LIN7A: variants seen among roughly 807,000 people sequenced by gnomAD.
The protein encoded by LIN7A is protein lin-7 homolog A.
Under a neutral mutation model 29.8 loss-of-function variants are expected in LIN7A, and 25 were observed. The ratio of observed to expected loss-of-function variants is 0.84; its 90% CI spans 0.61 to 1.17. The LOEUF (loss-of-function observed/expected upper bound fraction) is 1.17, where lower values mean the gene tolerates loss of function less well. Among genes scored for constraint, LIN7A ranks in the 50% most tolerant of loss-of-function variants. LIN7A has a pLI of 0.00. For missense variants in LIN7A, 239 were observed against 287.0 expected (o/e 0.83, Z 1.21); for synonymous variants, 118 against 107.5 (o/e 1.10, Z -0.60).
intron 2 of LIN7A, among the ~76,000 whole-genome samples, chr12:80,869,759 T>C (rs1183921638): frequency 6.6e-6 from 1 of 152,134 alleles, no homozygotes; most frequent in Non-Finnish European, 1.5e-5. Context: ...TTTTTTTTTT[T>C]TTCTTTTTTT....
chr12:80,829,897 G>A (rs1272446176), intron 4 of LIN7A, among the ~76,000 whole-genome samples: 1 of 152,074 alleles, frequency 6.6e-6, no homozygotes, highest in African/African-American at 2.4e-5. Context: ...TTTAATTCTG[G>A]CCACTTCTAA....
intron 2 of LIN7A, among the ~76,000 whole-genome samples, chr12:80,885,746 C>T (rs1206047530): frequency 6.6e-6 from 1 of 151,884 alleles, no homozygotes; most frequent in Non-Finnish European, 1.5e-5. Context: ...GTTAAGGGAG[C>T]TTCAAATCTC....
In LIN7A at chr12:80,915,174, A is replaced by G. The variant is rs528268373; in HGVS notation, c.82+22467T>C. Among the ~76,000 whole-genome samples the G allele has an allele frequency of 1.3e-4, 20 of 151,434 alleles. 1 individual carries two copies. The South Asian group carries it at 3.5e-3, about 27-fold the overall frequency. On this transcript the variant is annotated intron_variant, in intron 1 of 5. Coordinates refer to ENST00000552864, the MANE Select transcript of LIN7A (RefSeq NM_004664.4). ...AAGCAAAAAAAAAAAAAACAAAAAA[A>G]CAAAAAAAATTAACCCCATTAAAAA...
intron 1 of LIN7A, among the ~76,000 whole-genome samples, chr12:80,933,295 T>C (rs756409882): frequency 1.3e-5 from 2 of 152,202 alleles, no homozygotes; most frequent in Non-Finnish European, 2.9e-5. Context: ...CGTTATTATT[T>C]CTTGGTAATT....
Position 80,845,824 on chromosome 12 carries a change from G to A in LIN7A, c.389C>T (p.Ser130Phe), listed in dbSNP as rs1873049661. 6.2e-7 allele frequency: 1 copy of A among 1,613,694 alleles called. No individual in the cohort carries two copies. The change falls in exon 4 of 6, where the codon TCC (serine) becomes TTC (phenylalanine). Residue 130 changes from serine (S) to phenylalanine (F), a missense_variant. Ser to Phe is a radical substitution (Grantham distance 155, BLOSUM62 -2). Transcript: ENST00000552864. ...FNVMGGKEQN[S>F]PIYISRIIPG... ...AATTATGCGAGAGATATAAATGGGG[G>A]AATTTTGCTCCTTTCCTCCCATCAC...
At chr12:80,909,547 G>T (rs935273692) in intron 1 of LIN7A, among the ~76,000 whole-genome samples, 9 of 152,168 alleles carry the variant, frequency 5.9e-5, no homozygotes, top group Non-Finnish European at 1.0e-4. Flanking sequence ...TCTGGCGAGG[G>T]TCCACTTTCT....
chr12:80,857,545 A>G (rs1482490351), intron 2 of LIN7A, among the ~76,000 whole-genome samples: 2 of 152,202 alleles, frequency 1.3e-5, no homozygotes, highest in South Asian at 4.1e-4. Context: ...CATGACTCAG[A>G]CATTTTGCTT....
At chr12:80,924,666 C>A (rs546900325) in intron 1 of LIN7A, among the ~76,000 whole-genome samples, 3 of 152,214 alleles carry the variant, frequency 2.0e-5, no homozygotes, top group African/African-American at 7.2e-5. Context: ...CCATGTTTGC[C>A]TTTCTCAGCA....
rs116679914 is a variant in LIN7A, at chr12:80,798,406, A to G, written c.*1-680T>C. 2.9e-3 allele frequency among the ~76,000 whole-genome samples: 448 copies of G among 152,292 alleles called. 2 individuals are homozygous for G. The highest frequency in any genetic ancestry group is 0.01 in the African/African-American group (428 of 41,560). On this transcript the variant is annotated intron_variant, in intron 5 of 5. Transcript: ENST00000552864. ...ACCATATTGAAAACAGATTTTAACA[A>G]AATTGTTCTGTTTACTTTGCGTCAA...
At chr12:80,930,478 T>C (rs1592959257) in intron 1 of LIN7A, among the ~76,000 whole-genome samples, 3 of 152,226 alleles carry the variant, frequency 2.0e-5, no homozygotes, top group African/African-American at 7.2e-5. Flanking sequence ...TTTAATTTGT[T>C]TATTAGGACA....
intron 2 of LIN7A, among the ~76,000 whole-genome samples, chr12:80,874,090 G>A (rs1023988065): frequency 1.3e-4 from 20 of 152,018 alleles, no homozygotes; most frequent in African/African-American, 3.6e-4. Flanking sequence ...TCCAAGTATC[G>A]GGCTTAATAA....
intron 4 of LIN7A, among the ~76,000 whole-genome samples, chr12:80,840,542 T>G (rs1362693654): frequency 1.3e-5 from 2 of 152,192 alleles, no homozygotes; most frequent in Non-Finnish European, 2.9e-5. Flanking sequence ...ACTGTGTTTC[T>G]GAGGAACAAA....
chr12:80,798,655 A>G (rs1264191927), intron 5 of LIN7A, among the ~76,000 whole-genome samples: 1 of 152,192 alleles, frequency 6.6e-6, no homozygotes, highest in Non-Finnish European at 1.5e-5. Context: ...TAAGTGTCAC[A>G]TATTTTGCTA....
At chr12:80,822,431 G>A (rs185904486) in intron 4 of LIN7A, among the ~76,000 whole-genome samples, 20 of 152,194 alleles carry the variant, frequency 1.3e-4, no homozygotes, top group Middle Eastern at 3.4e-3. Flanking sequence ...GATGGCAGGC[G>A]CCTGGAATTC....
intron 1 of LIN7A, among the ~76,000 whole-genome samples, chr12:80,932,832 C>T (rs951352307): frequency 6.6e-6 from 1 of 152,174 alleles, no homozygotes; most frequent in African/African-American, 2.4e-5. Flanking sequence ...TTAATATCCA[C>T]GTGTTAAGTA....
intron 2 of LIN7A, among the ~76,000 whole-genome samples, chr12:80,858,196 A>C (rs1339690017): frequency 6.6e-6 from 1 of 152,218 alleles, no homozygotes; most frequent in African/African-American, 2.4e-5. Flanking sequence ...TAAATAGAAT[A>C]TACTTTGCTC....
intron 1 of LIN7A, among the ~76,000 whole-genome samples, chr12:80,897,759 C>A (rs900065227): frequency 6.6e-6 from 1 of 151,914 alleles, no homozygotes; most frequent in Non-Finnish European, 1.5e-5. Context: ...TAGCCAAGAT[C>A]GTGCCACTGC....
intron 1 of LIN7A, among the ~76,000 whole-genome samples, chr12:80,920,587 A>G (rs1407772912): frequency 6.6e-6 from 1 of 152,264 alleles, no homozygotes; most frequent in Non-Finnish European, 1.5e-5. Context: ...ACGTTAGATC[A>G]TTAAAGTATT....
rs774417638 is a variant in LIN7A at position 80,796,725 on chromosome 12, G to T, written c.*1002C>A. On this transcript the variant is annotated 3_prime_UTR_variant, in exon 6 of 6. Coordinates refer to ENST00000552864, the MANE Select transcript of LIN7A (RefSeq NM_004664.4). The stretch of plus-strand genomic sequence containing the variant: ...ATATATGCACATATAATTTAGTTTT[G>T]CTAAGCTTTAAAATATGAAATAGGC... 10 of 151,982 alleles carry T rather than the reference G, an allele frequency of 6.6e-5. No individual in the cohort carries two copies. Among genetic ancestry groups the T allele is most frequent in the Non-Finnish European group, 1.5e-4 (10 of 67,992 alleles). 9.4% of individuals were successfully genotyped at this position (151,982 alleles called of 1,614,324 possible). A position where few individuals can be genotyped will look rare whatever the true frequency, so the allele number is the denominator to read the frequency against.
Sources: allele counts gnomAD v4.1 joint callset (sites outside exome capture counted in the v4.1 genomes callset), GRCh38; gene constraint gnomAD v4.1.1; transcripts MANE v1.5; gene names NCBI Gene and HGNC (gene_info 2026-07-23, HGNC 2026-07-21).